Variants in SYN2 observed in about 807,000 individuals in gnomAD.
SYN2 encodes synapsin-2.
SYN2 carries 19 observed loss-of-function variants against 50.9 expected under a neutral mutation model. The ratio of observed to expected loss-of-function variants is 0.37; its 90% CI spans 0.26 to 0.55. The LOEUF (loss-of-function observed/expected upper bound fraction) is 0.55. SYN2 is among the 20% of genes least tolerant of loss of function. The pLI, the probability that SYN2 is intolerant of heterozygous loss-of-function variation, is 0.81. For synonymous variants in SYN2, 255 were observed against 224.9 expected (o/e 1.13, Z -1.20); for missense variants, 587 against 576.4 (o/e 1.02, Z -0.19).
chr3:12,025,251 G>A (rs1417303135), intron 1 of SYN2, among the ~76,000 whole-genome samples: 1 of 152,140 alleles, frequency 6.6e-6, no homozygotes, highest in African/African-American at 2.4e-5. Context: ...CACAATGGGG[G>A]ATTAGGGCTT....
intron 1 of SYN2, among the ~76,000 whole-genome samples, chr3:12,068,143 C>A (rs752310468): frequency 1.3e-5 from 2 of 152,142 alleles, no homozygotes; most frequent in African/African-American, 2.4e-5. Flanking sequence ...CACTTGATAT[C>A]GCTCTTTTTT....
chr3:12,162,261 A>T (rs1697672820), intron 7 of SYN2, 107 bp downstream of exon 7: 2 of 1,413,254 alleles, frequency 1.4e-6, no homozygotes, highest in South Asian at 3.0e-5. Context: ...TAAGTCAGAG[A>T]TTTTTTTACC....
At chr3:12,049,275 T>G (rs1694805579) in intron 1 of SYN2, among the ~76,000 whole-genome samples, 1 of 151,964 alleles carries the variant, frequency 6.6e-6, no homozygotes, top group Admixed American at 6.6e-5. Context: ...TCCTAGCACT[T>G]TGGGAGGCTG....
At chr3:12,013,645 A>G (rs1039234346) in intron 1 of SYN2, among the ~76,000 whole-genome samples, 3 of 152,192 alleles carry the variant, frequency 2.0e-5, no homozygotes, top group African/African-American at 7.2e-5. Context: ...ACCTATTTCA[A>G]GTTCTCATTA....
At chr3:12,121,016 T>C (rs1355109448) in intron 1 of SYN2, among the ~76,000 whole-genome samples, 2 of 152,228 alleles carry the variant, frequency 1.3e-5, no homozygotes, top group Admixed American at 1.3e-4. Flanking sequence ...CCTTATATTT[T>C]AGGTACAGTA....
chr3:12,089,315 C>T (rs989921128), intron 1 of SYN2, among the ~76,000 whole-genome samples: 12 of 152,106 alleles, frequency 7.9e-5, no homozygotes, highest in African/African-American at 2.4e-4. Flanking sequence ...GGGGAACTCC[C>T]ATATATAAAA....
intron 1 of SYN2, among the ~76,000 whole-genome samples, chr3:12,057,681 C>G (rs1354209097): frequency 6.6e-6 from 1 of 152,072 alleles, no homozygotes. Context: ...TAACTTTGGG[C>G]TCTTAATTTA....
chr3:12,187,569 CT>C lies in SYN2; in HGVS notation c.1571del (p.Leu524ArgfsTer20), dbSNP rs1064796171. The C allele has an allele frequency of 1.3e-6, 2 of 1,551,938 alleles. No homozygotes were observed. The highest frequency in any genetic ancestry group is 2.7e-5 in the African/African-American group (2 of 73,078). On this transcript the variant is annotated frameshift_variant, in exon 12 of 13. Coordinates refer to ENST00000621198, the MANE Select transcript of SYN2 (RefSeq NM_133625.6). LOFTEE classifies it high-confidence loss of function. ...CTCCCTGGCAGAGGCCCAGCCACCC[CT>C]GGCTGCTCCACCACAGAAGCCCCAG... ...SSSLAEAQPPLAAPPQKPQPH... is the reference protein window; with the variant it reads ...SSSLAEAQPPXAAPPQKPQPH...
chr3:12,109,459 T>C (rs1321331205), intron 1 of SYN2, among the ~76,000 whole-genome samples: 1 of 152,192 alleles, frequency 6.6e-6, no homozygotes, highest in East Asian at 1.9e-4. Flanking sequence ...TTTTTTACCT[T>C]CTCCTTTTTG....
intron 1 of SYN2, among the ~76,000 whole-genome samples, chr3:12,050,340 ATTTTT>A (rs397877649): frequency 1.8e-5 from 2 of 113,312 alleles, no homozygotes; most frequent in African/African-American, 2.9e-5. Context: ...GTTTGGAATG[ATTTTT>A]TTTTTTTTTT....
Position 12,013,820 on chromosome 3 carries a change from C to G in SYN2, c.377+8892C>G. ...TGGCCCTCCTGTGATTTGACCCCTG[C>G]TTTCTTCTCCTGCCGTCTCTAATTA... On this transcript the variant is annotated intron_variant, in intron 1 of 12. Transcript: ENST00000621198. Among the ~76,000 whole-genome samples the G allele has an allele frequency of 1.3e-5, 2 of 152,146 alleles. 1 individual carries two copies. The highest frequency in any genetic ancestry group is 2.9e-5 in the Non-Finnish European group (2 of 68,024).
In SYN2 at chr3:12,035,451, G is replaced by A. The variant is rs139778692; in HGVS notation, c.377+30523G>A. Among the ~76,000 whole-genome samples the A allele has an allele frequency of 3.3e-3, 508 of 152,354 alleles. 2 individuals are homozygous for A. The highest frequency in any genetic ancestry group is 0.012 in the African/African-American group (485 of 41,580). ...CCAAACACTGGCATTGAGATTTGCA[G>A]CGAGAGAAGGTGAGGCATTTATTGC... is the stretch of plus-strand genomic sequence containing the variant. On this transcript the variant is annotated intron_variant, in intron 1 of 12. Transcript: ENST00000621198.
chr3:12,183,438 T>TA (rs1380014762), intron 11 of SYN2, 66 bp downstream of exon 11: 4 of 1,610,084 alleles, frequency 2.5e-6, no homozygotes, highest in Non-Finnish European at 3.4e-6. Flanking sequence ...CCAAGCTTCT[T>TA]AAAATGATTG....
In SYN2 at chr3:12,004,845, C is replaced by G. The variant is rs571747207; in HGVS notation, c.294C>G (p.Gly98=). Residue 98 remains glycine (G), a synonymous_variant, in exon 1 of 13, where the codon GGC becomes GGG. Coordinates refer to ENST00000621198, the MANE Select transcript of SYN2 (RefSeq NM_133625.6). ...QAVKQTAASA[G]LVDAPAPAPA... ...TGAAGCAGACGGCCGCCTCGGCTGGCCTGGTGGACGCGCCCGCTCCCGCGC... is the reference window on the plus strand; with the variant it reads ...TGAAGCAGACGGCCGCCTCGGCTGGGCTGGTGGACGCGCCCGCTCCCGCGC... 261 of 539,504 alleles carry G rather than the reference C, an allele frequency of 4.8e-4. 1 individual carries two copies. Among genetic ancestry groups the G allele is most frequent in the African/African-American group, 4.8e-3 (241 of 50,184 alleles). 33.4% of individuals were successfully genotyped at this position (539,504 alleles called of 1,614,324 possible).
chr3:12,091,018 T>C (rs890376037), intron 1 of SYN2, among the ~76,000 whole-genome samples: 4 of 152,212 alleles, frequency 2.6e-5, no homozygotes, highest in Non-Finnish European at 5.9e-5. Context: ...TTTAGGGAAA[T>C]GGAAATTCAA....
chr3:12,146,603 T>G (rs1486194687), intron 4 of SYN2, among the ~76,000 whole-genome samples: 1 of 152,208 alleles, frequency 6.6e-6, no homozygotes, highest in Non-Finnish European at 1.5e-5. Flanking sequence ...AAAGTTACAG[T>G]GCCAGGATTT....
chr3:12,079,934 G>A (rs1194259957), intron 1 of SYN2, among the ~76,000 whole-genome samples: 1 of 151,962 alleles, frequency 6.6e-6, no homozygotes, highest in African/African-American at 2.4e-5. Context: ...TCTGGTCCTG[G>A]GCTTTTTTTG....
At chr3:12,151,089 A>G (rs1464742220) in intron 4 of SYN2, 148 bp from the exon 5 acceptor site, 7 of 591,916 alleles carry the variant, frequency 1.2e-5, no homozygotes, top group Non-Finnish European at 2.1e-5. Flanking sequence ...CCTTGGAAAT[A>G]GGAATTGTAC....
At chr3:12,054,944 A>C (rs929099218) in intron 1 of SYN2, among the ~76,000 whole-genome samples, 1 of 152,118 alleles carries the variant, frequency 6.6e-6, no homozygotes, top group African/African-American at 2.4e-5. Flanking sequence ...TTTGTTTTCT[A>C]GCATCCTTTA....
Sources: allele counts gnomAD v4.1 joint callset (sites outside exome capture counted in the v4.1 genomes callset), GRCh38; gene constraint gnomAD v4.1.1; transcripts MANE v1.5; gene names NCBI Gene and HGNC (gene_info 2026-07-23, HGNC 2026-07-21).